The following EVC2 variants were observed in gnomAD, a reference collection of about 807,000 sequenced individuals.
The protein encoded by EVC2 is EvC ciliary complex subunit 2.
A neutral mutation model predicts 149.3 loss-of-function variants in EVC2; 148 were observed. The observed-to-expected ratio is 0.99, with a 90% confidence interval of 0.87 to 1.14. The LOEUF is 1.14. EVC2 is among the 50% of genes most tolerant of loss of function. The probability of loss-of-function intolerance (pLI) is 0.00; values close to 1 mark genes in which losing one functional copy is unlikely to be tolerated. For missense variants in EVC2, 1,854 were observed against 1,627.3 expected (o/e 1.14, Z -2.40); for synonymous variants, 776 against 649.9 (o/e 1.19, Z -2.95).
chr4:5,650,603 C>CCA (rs1577207187), intron 9 of EVC2, among the ~76,000 whole-genome samples: 2 of 40,452 alleles, frequency 4.9e-5, no homozygotes, highest in East Asian at 1.6e-3. Context: ...GTTTTAATCG[C>CCA]CATATATATA....
chr4:5,535,750 C>T, the EVC2 span, among the ~76,000 whole-genome samples: 4 of 152,258 alleles, frequency 2.6e-5, no homozygotes, highest in Admixed American at 1.3e-4. The surrounding 1 kb of genome is among the most constrained non-coding windows in gnomAD (Gnocchi z 4.7). Context: ...CCTCAAAATA[C>T]CATCGCATTA....
At position 5,708,268 on chromosome 4, in the gene EVC2, G is replaced by C. The variant is rs1218369394; in HGVS notation, c.228+18C>G. 3.4e-6 allele frequency: 5 copies of C among 1,473,138 alleles called. No individual in the cohort carries two copies. The highest frequency in any genetic ancestry group is 4.5e-6 in the Non-Finnish European group (5 of 1,117,996). 91.3% of individuals were successfully genotyped at this position (1,473,138 alleles called of 1,614,324 possible). A position where few individuals can be genotyped will look rare whatever the true frequency, so the allele number is the denominator to read the frequency against. ...ACCACTACAGTCAGACCGGAGCCTG[G>C]GGTCGGGCCCTCCTTACCTGCGTGC... is the stretch of plus-strand genomic sequence containing the variant. On this transcript the variant is annotated intron_variant, in intron 1 of 21. Coordinates refer to ENST00000344408, the MANE Select transcript of EVC2 (RefSeq NM_147127.5).
At chr4:5,616,452 C>T (rs1473810113) in intron 15 of EVC2, among the ~76,000 whole-genome samples, 1 of 152,128 alleles carries the variant, frequency 6.6e-6, no homozygotes, top group Non-Finnish European at 1.5e-5. Context: ...GTTTTGTGGG[C>T]CTAGATCAAA....
At position 5,568,626 on chromosome 4, in the gene EVC2, T is replaced by C. The variant is rs116076068; in HGVS notation, c.3375A>G (p.Ala1125=). 6.1e-4 allele frequency: 976 copies of C among 1,608,450 alleles called. 5 individuals carry two copies. The African/African-American group carries it at 0.012, about 19-fold the overall frequency. ...CCATGGCCATCCTCGCCAGGTACGA[T>C]GCCAGTCTCAGCTCCTACAGGAAAC... ...ATLCSQELRL[A]SYLARMAMVP... is the part of the protein sequence containing the mutation. The change falls in exon 20 of 22, where the codon GCA becomes GCG. Residue 1125 remains alanine, a synonymous_variant. Transcript: ENST00000344408.
At chr4:5,667,489 G>T (rs549523684) in intron 7 of EVC2, among the ~76,000 whole-genome samples, 31 of 152,254 alleles carry the variant, frequency 2.0e-4, no homozygotes, top group African/African-American at 6.7e-4. Context: ...TTTCAATCCT[G>T]CTCCTTTCTT....
chr4:5,704,350 G>C (rs1227089385), intron 1 of EVC2, among the ~76,000 whole-genome samples: 1 of 152,136 alleles, frequency 6.6e-6, no homozygotes, highest in Non-Finnish European at 1.5e-5. Context: ...AGGCAAGGAG[G>C]GTGCCAAGGC....
At chr4:5,536,530 A>AG in the EVC2 span, among the ~76,000 whole-genome samples, 7 of 152,194 alleles carry the variant, frequency 4.6e-5, no homozygotes, top group East Asian at 1.2e-3. Flanking sequence ...CACACCTGTA[A>AG]TCCTAGCACT....
At chr4:5,558,256 C>T (rs568286512), downstream of EVC2, among the ~76,000 whole-genome samples, 6 of 152,272 alleles carry the variant, frequency 3.9e-5, no homozygotes, top group East Asian at 1.2e-3. Flanking sequence ...AATAGACCCA[C>T]ACAAATATAG....
chr4:5,666,482 T>C (rs980744996), intron 7 of EVC2, among the ~76,000 whole-genome samples: 7 of 152,232 alleles, frequency 4.6e-5, no homozygotes, highest in African/African-American at 1.7e-4. Context: ...CAGTGTGAAT[T>C]AGCACTTCCT....
At chr4:5,644,522 C>G (rs1717571972) in intron 9 of EVC2, among the ~76,000 whole-genome samples, 1 of 152,160 alleles carries the variant, frequency 6.6e-6, no homozygotes, top group Non-Finnish European at 1.5e-5. Flanking sequence ...CCAGGATGGT[C>G]TCAATCTCTT....
chr4:5,669,676 T>C (rs1295649182), intron 7 of EVC2, among the ~76,000 whole-genome samples: 3 of 152,158 alleles, frequency 2.0e-5, no homozygotes, highest in African/African-American at 4.8e-5. Flanking sequence ...GACAGGTGAG[T>C]CAGGCTACCT....
chr4:5,618,511 C>A lies in EVC2; in HGVS notation c.2673G>T (p.Lys891Asn). 6.2e-7 allele frequency: 1 copy of A among 1,613,762 alleles called. No individual in the cohort carries two copies. Among genetic ancestry groups the A allele is most frequent in the Non-Finnish European group, 8.5e-7 (1 of 1,180,046 alleles). ...CAGGGGCAGCCACGGCCTGGTCCAG[C>A]TTCACGAACTCTGCTTCTCGCCACG... Reference protein sequence around the residue: ...QTAWREAEFVKLDQAVAAPEL... With the variant: ...QTAWREAEFVNLDQAVAAPEL... Residue 891 changes from lysine (K) to asparagine (N), a missense_variant, in exon 15 of 22, where the codon AAG becomes AAT. Physicochemically the swap from Lys to Asn is moderately conservative, Grantham distance 94. Coordinates refer to ENST00000344408, the MANE Select transcript of EVC2 (RefSeq NM_147127.5). This position sits in a 1 kb window ranked among gnomAD's most constrained non-coding sequence, Gnocchi z 4.4.
At chr4:5,695,805 GCATATTGATGGT>G (rs1721438496) in intron 2 of EVC2, among the ~76,000 whole-genome samples, 1 of 152,078 alleles carries the variant, frequency 6.6e-6, no homozygotes, top group African/African-American at 2.4e-5. Context: ...TTCTTACCCA[GCATATTGATGGT>G]AAAGACTACA....
chr4:5,532,499 A>T, the EVC2 span, among the ~76,000 whole-genome samples: 1 of 151,958 alleles, frequency 6.6e-6, no homozygotes, highest in Non-Finnish European at 1.5e-5. Context: ...CAGACCCAAG[A>T]CTCAGGCCCT....
chr4:5,623,939 G>A (rs1032532904), intron 13 of EVC2, among the ~76,000 whole-genome samples: 4 of 152,162 alleles, frequency 2.6e-5, no homozygotes, highest in Admixed American at 6.5e-5. Context: ...AGTAGTTTAC[G>A]CCAATGAACA....
chr4:5,540,508 C>T (rs1721492831), downstream of EVC2, among the ~76,000 whole-genome samples: 1 of 152,220 alleles, frequency 6.6e-6, no homozygotes, highest in African/African-American at 2.4e-5. Flanking sequence ...ACCATTGATA[C>T]ATGCGACATG....
In EVC2 at chr4:5,708,542, G is replaced by T. The variant is rs754218861; in HGVS notation, c.-29C>A. Reference sequence around the variant, plus strand: ...CTGTCGGGACCCGCTACCTCAAAGCGGCGGGTGCCGCCGAGTCGCTGGAGC... The same window carrying T: ...CTGTCGGGACCCGCTACCTCAAAGCTGCGGGTGCCGCCGAGTCGCTGGAGC... On this transcript the variant is annotated 5_prime_UTR_variant, in exon 1 of 22. Transcript: ENST00000344408. 116 of 1,390,148 alleles carry T rather than the reference G, an allele frequency of 8.3e-5. No individual in the cohort carries two copies. The highest frequency in any genetic ancestry group is 9.6e-5 in the Admixed American group (3 of 31,272). The allele number at this position is 1,390,148 out of a possible 1,614,324, so 86.1% of individuals were successfully genotyped here.
chr4:5,539,124 C>A (rs1721468723), downstream of EVC2, among the ~76,000 whole-genome samples: 1 of 152,040 alleles, frequency 6.6e-6, no homozygotes, highest in African/African-American at 2.4e-5. Flanking sequence ...ACTAAACCAA[C>A]AAAAATCAAT....
At chr4:5,638,470 C>T (rs568701407) in intron 10 of EVC2, among the ~76,000 whole-genome samples, 32 of 152,042 alleles carry the variant, frequency 2.1e-4, no homozygotes, top group African/African-American at 5.8e-4. Context: ...AGCTGAATCA[C>T]CGAACAGTGC....
Sources: gnomAD v4.1 joint callset for allele counts (sites outside exome capture counted in the v4.1 genomes callset) on GRCh38, gnomAD v4.1.1 for gene constraint, Gnocchi (gnomAD v3.1) non-coding constraint, MANE v1.5 for transcripts, NCBI Gene and HGNC (gene_info 2026-07-23, HGNC 2026-07-21) for gene names.